The following MAST2 variants were observed in gnomAD, a reference collection of about 807,000 sequenced individuals.
MAST2 encodes microtubule associated serine/threonine kinase 2, also known as microtubule-associated serine/threonine-protein kinase 2.
Under a neutral mutation model 147.4 loss-of-function variants are expected in MAST2, and 70 were observed. That is an observed-to-expected ratio of 0.47 (90% CI 0.39 to 0.58). The LOEUF is 0.58. MAST2 is among the 20% of genes least tolerant of loss of function. The probability of loss-of-function intolerance (pLI) is 0.00; values close to 1 mark genes in which losing one functional copy is unlikely to be tolerated. For missense variants in MAST2, 2,080 were observed against 2,302.3 expected, an observed-to-expected ratio of 0.90 and a Z score of 1.98; for synonymous variants, 869 against 896.8, an observed-to-expected ratio of 0.97 and a Z score of 0.55.
chr1:45,890,775 C>G (rs764337915), intron 4 of MAST2, among the ~76,000 whole-genome samples: 2 of 152,192 alleles, frequency 1.3e-5, no homozygotes, highest in Non-Finnish European at 2.9e-5. Flanking sequence ...GAGTTTAACA[C>G]AAATTGGCAA....
chr1:45,920,967 G>A (rs1395949080), intron 4 of MAST2, among the ~76,000 whole-genome samples: 1 of 152,140 alleles, frequency 6.6e-6, no homozygotes, highest in African/African-American at 2.4e-5. Context: ...CAACCCCACA[G>A]TATCTTACTC....
At chr1:45,917,504 TCCTTGTTCCA>T in intron 4 of MAST2, 2 of 1,366,558 alleles carry the variant, frequency 1.5e-6, no homozygotes, top group Non-Finnish European at 2.0e-6. Context: ...GTCCTGGCAC[TCCTTGTTCCA>T]GCCGCCCACT....
intron 3 of MAST2, among the ~76,000 whole-genome samples, chr1:45,833,240 A>G (rs1288924642): frequency 6.6e-6 from 1 of 152,128 alleles, no homozygotes; most frequent in Non-Finnish European, 1.5e-5. Context: ...GAGAGGATTT[A>G]TCTGAGGGCT....
chr1:45,915,132 A>G (rs1014352808), intron 4 of MAST2, among the ~76,000 whole-genome samples: 3 of 152,086 alleles, frequency 2.0e-5, no homozygotes, highest in East Asian at 1.9e-4. Context: ...AGGTCTCTCT[A>G]TGTTGCTCAG....
chr1:45,818,802 G>A (rs746776620), intron 1 of MAST2, among the ~76,000 whole-genome samples: 15 of 152,094 alleles, frequency 9.9e-5, no homozygotes, highest in Admixed American at 4.6e-4. Context: ...TTTGCTTTAC[G>A]ACCCATTTTG....
In MAST2 at chr1:46,027,707, AATTTT is replaced by A. The variant is rs1173065711; in HGVS notation, c.1920-19_1920-15del. 1 of 1,599,792 alleles carries A rather than the reference AATTTT, an allele frequency of 6.3e-7. No homozygotes were observed. Among genetic ancestry groups the A allele is most frequent in the African/African-American group, 1.3e-5 (1 of 74,330 alleles). Reference sequence around the variant, plus strand: ...CTCAGAAAACCAGGAATAACTTCTTAATTTTATTTCTTCGTTCTTCCAGCCTCCTA... The same window carrying A: ...CTCAGAAAACCAGGAATAACTTCTTAATTTCTTCGTTCTTCCAGCCTCCTA... On this transcript the variant is annotated intron_variant, in intron 16 of 28. Coordinates refer to ENST00000361297, the MANE Select transcript of MAST2 (RefSeq NM_015112.3).
intron 5 of MAST2, among the ~76,000 whole-genome samples, chr1:45,979,518 T>A (rs1644314456): frequency 6.6e-6 from 1 of 151,904 alleles, no homozygotes; most frequent in African/African-American, 2.4e-5. Context: ...TTTCTGGAGC[T>A]AGAACCGTGA....
intron 4 of MAST2, among the ~76,000 whole-genome samples, chr1:45,923,089 C>G (rs1041893386): frequency 6.6e-6 from 1 of 152,116 alleles, no homozygotes; most frequent in Middle Eastern, 3.2e-3. Flanking sequence ...TGTGCAAGCA[C>G]GGGACCACCC....
At chr1:46,033,709 G>A in intron 26 of MAST2, 93 bp from the exon 27 acceptor site, 2 of 1,501,638 alleles carry the variant, frequency 1.3e-6, no homozygotes, top group Non-Finnish European at 1.8e-6. Context: ...AGCTGGAGCT[G>A]TGGTATAGCC....
At chr1:45,942,856 T>TA (rs1657505260) in intron 4 of MAST2, among the ~76,000 whole-genome samples, 1 of 152,210 alleles carries the variant, frequency 6.6e-6, no homozygotes, top group South Asian at 2.1e-4. Context: ...ATTTATACCT[T>TA]ACTTTTAGGC....
intron 4 of MAST2, among the ~76,000 whole-genome samples, chr1:45,915,709 C>CAAA (rs58479623): frequency 9.2e-5 from 12 of 130,806 alleles, no homozygotes; most frequent in Admixed American, 5.3e-4. Flanking sequence ...GACTCTGTCT[C>CAAA]AAAAAAAAAA....
At chr1:46,006,701 C>T (rs1377653528) in intron 8 of MAST2, 1 of 203,622 alleles carries the variant, frequency 4.9e-6, no homozygotes, top group East Asian at 1.1e-4. Flanking sequence ...TTCAACAAAG[C>T]CCAAGCTATT....
chr1:45,879,572 CAAAAAAAAAA>C (rs56115997), intron 3 of MAST2, among the ~76,000 whole-genome samples: 3 of 101,708 alleles, frequency 2.9e-5, no homozygotes, highest in South Asian at 7.3e-4. Context: ...GACTCCATCT[CAAAAAAAAAA>C]AAAAAAAAAG....
At chr1:46,011,775 G>A (rs1395512649) in intron 10 of MAST2, among the ~76,000 whole-genome samples, 2 of 152,306 alleles carry the variant, frequency 1.3e-5, no homozygotes, top group East Asian at 3.9e-4. Flanking sequence ...ATGATCAAAA[G>A]GACATCAGTG....
At position 46,035,731 on chromosome 1, in the gene MAST2, AAC is replaced by A. The variant is rs764325662; in HGVS notation, c.5066_5067del (p.Thr1689AsnfsTer6). ...GCTAGCCAACCTCCAGGATTTGGAA[AAC>A]ACAACTCCAGCCCAGCCTAAGAACC... Reference protein sequence around the residue: ...GGLANLQDLENTTPAQPKNLS... With the variant: ...GGLANLQDLEXTTPAQPKNLS... On this transcript the variant is annotated frameshift_variant, in exon 29 of 29. Transcript: ENST00000361297. LOFTEE classifies it low-confidence loss of function (END_TRUNC). This position sits in a 1 kb window ranked among gnomAD's most constrained non-coding sequence, Gnocchi z 5.5. The A allele has an allele frequency of 6.2e-7, 1 of 1,613,890 alleles. No homozygotes were observed. The highest frequency in any genetic ancestry group is 8.5e-7 in the Non-Finnish European group (1 of 1,180,028).
At position 45,847,211 on chromosome 1, in the gene MAST2, A is replaced by G. The variant is rs1202618009; in HGVS notation, c.468+17630A>G. 5.7e-6 allele frequency: 3 copies of G among 528,824 alleles called. No homozygotes were observed. The Admixed American group carries it at 6.1e-5, about 11-fold the overall frequency. 32.8% of individuals were successfully genotyped at this position (528,824 alleles called of 1,614,324 possible). On this transcript the variant is annotated intron_variant, in intron 3 of 28. Transcript: ENST00000361297. ...GATTACTTGCATTTAGAATGTCTGGAATCTCAAAGCCACATCCTTTATACT... is the reference window on the plus strand; with the variant it reads ...GATTACTTGCATTTAGAATGTCTGGGATCTCAAAGCCACATCCTTTATACT...
intron 4 of MAST2, among the ~76,000 whole-genome samples, chr1:45,925,241 C>G (rs1388800274): frequency 2.0e-5 from 3 of 152,226 alleles, no homozygotes; most frequent in Non-Finnish European, 2.9e-5. Flanking sequence ...GATACCCACT[C>G]TAGCTCTGTA....
intron 2 of MAST2, among the ~76,000 whole-genome samples, chr1:45,827,541 TGA>T (rs1383290419): frequency 1.3e-5 from 2 of 152,066 alleles, no homozygotes; most frequent in African/African-American, 4.8e-5. Context: ...AATTAATAGG[TGA>T]GAAGTAGGCA....
chr1:45,986,452 A>G lies in MAST2; in HGVS notation c.593-11272A>G, dbSNP rs1404910049. On this transcript the variant is annotated intron_variant, in intron 5 of 28. Transcript: ENST00000361297. ...TCGTTTATGCCGGGCACGGTGGCTC[A>G]TGCCTGTAATCCCAGCACTTTGGGA... 2.0e-5 allele frequency among the ~76,000 whole-genome samples: 3 copies of G among 152,194 alleles called. No homozygotes were observed. In the East Asian group the frequency reaches 5.8e-4, roughly 29 times the overall value.
Sources: gnomAD v4.1 joint callset for allele counts (sites outside exome capture counted in the v4.1 genomes callset) on GRCh38, gnomAD v4.1.1 for gene constraint, Gnocchi (gnomAD v3.1) non-coding constraint, MANE v1.5 for transcripts, NCBI Gene and HGNC (gene_info 2026-07-23, HGNC 2026-07-21) for gene names.